HCLS1: variants seen among roughly 807,000 people sequenced by gnomAD.
HCLS1 encodes hematopoietic lineage cell-specific protein.
In HCLS1, 44 loss-of-function variants were observed where a neutral mutation model predicts 68.6. That is an observed-to-expected ratio of 0.64 (90% CI 0.50 to 0.82). HCLS1 has a LOEUF of 0.82. Ranked by LOEUF, HCLS1 falls within the 40% of genes least tolerant of loss-of-function variation. The probability of loss-of-function intolerance (pLI) is 0.00; values close to 1 mark genes in which losing one functional copy is unlikely to be tolerated. For synonymous variants in HCLS1, 217 were observed against 225.8 expected (o/e 0.96, Z 0.35); for missense variants, 602 against 612.1 (o/e 0.98, Z 0.17).
intron 1 of HCLS1, among the ~76,000 whole-genome samples, chr3:121,658,655 C>T (rs931105686): frequency 2.0e-5 from 3 of 152,144 alleles, no homozygotes; most frequent in Non-Finnish European, 4.4e-5. Context: ...TGGAATTGTT[C>T]ACTTGTGTCC....
At chr3:121,640,361 C>T (rs1372273332) in intron 6 of HCLS1, among the ~76,000 whole-genome samples, 1 of 152,076 alleles carries the variant, frequency 6.6e-6, no homozygotes. Flanking sequence ...ATGAAATTCT[C>T]ATAAAACAAA....
rs376424833 is a variant in HCLS1 at position 121,633,597 on chromosome 3, G to A, written c.904-426C>T. ...ACTCTGCTGCCCTGGCTGGAGCACA[G>A]TGAGATCATAGCTCACTGTAGCCTC... On this transcript the variant is annotated intron_variant, in intron 10 of 13. Transcript: ENST00000314583. Among the ~76,000 whole-genome samples, 59 of 152,132 alleles carry A rather than the reference G, an allele frequency of 3.9e-4. No homozygotes were observed. The East Asian group carries it at 9.9e-3, about 25-fold the overall frequency.
At chr3:121,640,106 G>A (rs574328450) in intron 6 of HCLS1, among the ~76,000 whole-genome samples, 2 of 152,044 alleles carry the variant, frequency 1.3e-5, no homozygotes, top group East Asian at 3.8e-4. Context: ...TCTTACAGAA[G>A]TTAAAAAGAA....
Position 121,647,339 on chromosome 3 carries a change from C to G in HCLS1, c.268G>C (p.Glu90Gln), listed in dbSNP as rs1264241240. Residue 90 changes from glutamate to glutamine, a missense_variant, in exon 4 of 14, where the codon GAA (glutamate) becomes CAA (glutamine). By Grantham distance (29) the Glu-to-Gln change is conservative (BLOSUM62 2). Coordinates refer to ENST00000314583, the MANE Select transcript of HCLS1 (RefSeq NM_005335.6). ...SHGYGGRFGV[E>Q]RDRMDKSAVG... ...CTTACCTTGTCCATTCGGTCTCTTT[C>G]TACTCCAAACCGACCTCCATAGCCA... 2 of 1,614,046 alleles carry G rather than the reference C, an allele frequency of 1.2e-6. No homozygotes were observed. The highest frequency in any genetic ancestry group is 2.2e-5 in the East Asian group (1 of 44,874).
intron 4 of HCLS1, among the ~76,000 whole-genome samples, chr3:121,646,343 TATATA>T (rs1420061786): frequency 5.4e-5 from 5 of 93,130 alleles, no homozygotes; most frequent in African/African-American, 8.6e-5. Context: ...TTAATTATAG[TATATA>T]ATATATTACA....
At chr3:121,633,219 TC>T in intron 10 of HCLS1, 48 bp from the exon 11 acceptor site, 1 of 1,173,546 alleles carries the variant, frequency 8.5e-7, no homozygotes. Flanking sequence ...CCATCTTCAC[TC>T]CTTTTTTTTT....
chr3:121,639,903 A>G (rs1425921562), intron 6 of HCLS1, among the ~76,000 whole-genome samples: 2 of 143,816 alleles, frequency 1.4e-5, no homozygotes, highest in African/African-American at 4.9e-5. Context: ...GAAGAAAAAC[A>G]TAATAAAGAT....
At position 121,634,214 on chromosome 3, in the gene HCLS1, G is replaced by T; in HGVS notation, c.896C>A (p.Ser299Tyr). ...AGAGGGCCAGGCGCTCACCTCTGAG[G>T]AGATTTTCTTGGGCAGTGGGGCCGG... The part of the protein sequence containing the change: ...AVPAPLPKKI[S>Y]SEAWPPVGTP... The change falls in exon 10 of 14, where the codon TCC becomes TAC. Residue 299 changes from serine to tyrosine, a missense_variant. Coordinates refer to ENST00000314583, the MANE Select transcript of HCLS1 (RefSeq NM_005335.6). The T allele has an allele frequency of 6.2e-7, 1 of 1,614,190 alleles. No individual in the cohort carries two copies. The highest frequency in any genetic ancestry group is 2.2e-5 in the East Asian group (1 of 44,878).
chr3:121,634,616 C>T (rs1474055277), intron 9 of HCLS1, among the ~76,000 whole-genome samples, 198 bp from the exon 10 acceptor site: 1 of 152,038 alleles, frequency 6.6e-6, no homozygotes, highest in Non-Finnish European at 1.5e-5. Context: ...TTTTATAAAG[C>T]CAGGCTATAC....
Position 121,633,099 on chromosome 3 carries a change from G to C in HCLS1, c.976C>G (p.Pro326Ala), listed in dbSNP as rs757601050. Residue 326 changes from proline to alanine, a missense_variant, in exon 11 of 14, where the codon CCC becomes GCC. Pro to Ala is a conservative substitution (Grantham distance 27). Transcript: ENST00000314583. ...AGAGTCTGCCTAATGGGCAGCAAGG[G>C]CACTGGGTGTTCCCTGCTGGTTCTC... ...PVRTSREHPVPLLPIRQTLPE... is the reference protein window; with the variant it reads ...PVRTSREHPVALLPIRQTLPE... 10 of 1,613,020 alleles carry C rather than the reference G, an allele frequency of 6.2e-6. No homozygotes were observed. Among genetic ancestry groups the C allele is most frequent in the Non-Finnish European group, 8.5e-6 (10 of 1,179,202 alleles).
intron 11 of HCLS1, 43 bp from the exon 12 acceptor site, chr3:121,632,606 G>A: frequency 6.4e-7 from 1 of 1,571,364 alleles, no homozygotes; most frequent in East Asian, 2.2e-5. Flanking sequence ...CCACTTTCCA[G>A]GAGGAATCAA....
At chr3:121,647,992 A>G (rs1017972755) in intron 3 of HCLS1, among the ~76,000 whole-genome samples, 1 of 152,218 alleles carries the variant, frequency 6.6e-6, no homozygotes, top group Non-Finnish European at 1.5e-5. Context: ...TATATGACCA[A>G]TGGTTGGATA....
rs572899966 is a variant in HCLS1, at chr3:121,644,894, T to A, written c.323A>T (p.Glu108Val). ...AVGHEYVAEV[E>V]KHSSQTDAAK... ...AGCATCCGTCTGAGAAGAGTGCTTC[T>A]CCACCTCGGCAACATACTCATGGCC... The change falls in exon 5 of 14, where the codon GAG (glutamate) becomes GTG (valine). Residue 108 changes from glutamate (E) to valine (V), a missense_variant. Glu to Val is a moderately radical substitution (Grantham distance 121). Coordinates refer to ENST00000314583, the MANE Select transcript of HCLS1 (RefSeq NM_005335.6). The A allele has an allele frequency of 1.5e-4, 249 of 1,614,054 alleles. 2 individuals are homozygous for A. The South Asian group carries it at 2.6e-3, about 17-fold the overall frequency.
At chr3:121,640,289 G>A (rs1245116030) in intron 6 of HCLS1, among the ~76,000 whole-genome samples, 1 of 152,088 alleles carries the variant, frequency 6.6e-6, no homozygotes, top group African/African-American at 2.4e-5. Context: ...AAGACCTCTA[G>A]AGTTGAGCCA....
intron 6 of HCLS1, among the ~76,000 whole-genome samples, chr3:121,640,834 CGGG>C (rs1560139761): frequency 2.5e-3 from 30 of 11,984 alleles, no homozygotes; most frequent in East Asian, 0.01. Context: ...GGGGAGGGGA[CGGG>C]AGGGCAGGGC....
intron 10 of HCLS1, among the ~76,000 whole-genome samples, chr3:121,633,933 G>C (rs2049124887): frequency 6.6e-6 from 1 of 152,234 alleles, no homozygotes; most frequent in African/African-American, 2.4e-5. Context: ...AGCCTGAAGT[G>C]ACGGCCCCTT....
intron 6 of HCLS1, among the ~76,000 whole-genome samples, chr3:121,642,005 G>A (rs991017652): frequency 1.4e-5 from 2 of 139,666 alleles, no homozygotes; most frequent in Admixed American, 1.4e-4. Flanking sequence ...GCGTGAACCC[G>A]GAAGGCGGAA....
chr3:121,634,291 CTT>C lies in HCLS1; in HGVS notation c.817_818del (p.Lys273GlufsTer4). Reference sequence around the variant, plus strand: ...CTGGCTGTGGAGCCTCAGGGCTCCTCTTTGTCACAGCCTTTCGCTCCTGTTGC... The same window carrying C: ...CTGGCTGTGGAGCCTCAGGGCTCCTCTGTCACAGCCTTTCGCTCCTGTTGC... ...RRQQERKAVT[K>X]RSPEAPQPVI... On this transcript the variant is annotated frameshift_variant, in exon 10 of 14. Coordinates refer to ENST00000314583, the MANE Select transcript of HCLS1 (RefSeq NM_005335.6). LOFTEE classifies it high-confidence loss of function. 1.9e-6 allele frequency: 3 copies of C among 1,614,204 alleles called. No homozygotes were observed. The highest frequency in any genetic ancestry group is 2.5e-6 in the Non-Finnish European group (3 of 1,180,040).
At chr3:121,636,402 C>A in intron 8 of HCLS1, 32 bp downstream of exon 8, 1 of 1,573,290 alleles carries the variant, frequency 6.4e-7, no homozygotes, top group African/African-American at 1.3e-5. Flanking sequence ...TTAGGGAACT[C>A]TTCTTAAGAC....
Sources: gnomAD v4.1 joint callset for allele counts (sites outside exome capture counted in the v4.1 genomes callset) on GRCh38, gnomAD v4.1.1 for gene constraint, MANE v1.5 for transcripts, NCBI Gene and HGNC (gene_info 2026-07-23, HGNC 2026-07-21) for gene names.